ZCCHC8: variants seen among roughly 807,000 people sequenced by gnomAD.
ZCCHC8 encodes the protein zinc finger CCHC domain-containing protein 8.
Under a neutral mutation model 70.6 loss-of-function variants are expected in ZCCHC8, and 27 were observed. The ratio of observed to expected loss-of-function variants is 0.38; its 90% CI spans 0.28 to 0.53. ZCCHC8 has a LOEUF of 0.53. Among genes scored for constraint, ZCCHC8 ranks in the 20% least tolerant of loss-of-function variants. The pLI is 0.81. For synonymous variants in ZCCHC8, 293 were observed against 317.4 expected, an observed-to-expected ratio of 0.92 and a Z score of 0.82; for missense variants, 737 against 876.9, an observed-to-expected ratio of 0.84 and a Z score of 2.01.
intron 11 of ZCCHC8, among the ~76,000 whole-genome samples, chr12:122,479,494 T>A (rs753202238): frequency 6.6e-6 from 1 of 152,130 alleles, no homozygotes; most frequent in Non-Finnish European, 1.5e-5. Flanking sequence ...ATGAGAAATT[T>A]TACTTTGAGG....
chr12:122,493,985 T>C (rs952596434), intron 2 of ZCCHC8, among the ~76,000 whole-genome samples: 8 of 152,156 alleles, frequency 5.3e-5, no homozygotes, highest in African/African-American at 1.9e-4. Context: ...ACTTTATAAA[T>C]AGACTCTTGG....
intron 5 of ZCCHC8, among the ~76,000 whole-genome samples, chr12:122,485,219 A>G (rs1957609778): frequency 6.6e-6 from 1 of 152,032 alleles, no homozygotes; most frequent in South Asian, 2.1e-4. Flanking sequence ...GGTTCAAGCG[A>G]TTCTCCTGCC....
At chr12:122,485,253 TA>T (rs1293974688) in intron 5 of ZCCHC8, among the ~76,000 whole-genome samples, 3 of 152,138 alleles carry the variant, frequency 2.0e-5, no homozygotes, top group African/African-American at 7.2e-5. Context: ...TAGCTGGGAT[TA>T]CAGGCATGCA....
At chr12:122,480,043 C>T in intron 11 of ZCCHC8, 147 bp downstream of exon 11, 1 of 699,472 alleles carries the variant, frequency 1.4e-6, no homozygotes, top group Admixed American at 2.9e-5. Context: ...AACTCTGGGA[C>T]TCAAGTGATC....
At chr12:122,475,450 C>CA (rs985474780) in intron 13 of ZCCHC8, among the ~76,000 whole-genome samples, 4 of 152,148 alleles carry the variant, frequency 2.6e-5, no homozygotes, top group Non-Finnish European at 5.9e-5. Flanking sequence ...ACAACCTGTC[C>CA]AAAACAAATG....
chr12:122,480,313 T>G lies in ZCCHC8; in HGVS notation c.1019-2A>C. ...CTTCTGTTTCCCCATCAGTGCCATC[T>G]ATTACAGACCATAAAAAGTGTTAAT... On this transcript the variant is annotated splice_acceptor_variant, in intron 10 of 13. Transcript: ENST00000633063. LOFTEE classifies it high-confidence loss of function. 1 of 1,606,256 alleles carries G rather than the reference T, an allele frequency of 6.2e-7. No homozygotes were observed. Among genetic ancestry groups the G allele is most frequent in the South Asian group, 1.1e-5 (1 of 89,588 alleles).
chr12:122,498,719 A>C, intron 2 of ZCCHC8, 108 bp downstream of exon 2: 1 of 1,081,472 alleles, frequency 9.2e-7, no homozygotes, highest in Non-Finnish European at 1.4e-6. Context: ...AAACAAATAA[A>C]AATGATACAA....
intron 2 of ZCCHC8, among the ~76,000 whole-genome samples, chr12:122,494,932 T>A (rs1224458982): frequency 2.6e-5 from 4 of 152,182 alleles, no homozygotes; most frequent in African/African-American, 9.7e-5. Context: ...CAGCTATAAA[T>A]ATACTCAGTT....
rs185890072 is a variant in ZCCHC8 at position 122,499,118 on chromosome 12, C to A, written c.200-249G>T. On this transcript the variant is annotated intron_variant, in intron 1 of 13. Transcript: ENST00000633063. ...ACGATCCTGAAGTTCAACAGACTAA[C>A]AAACTGAACCAAAACCATTATTGAA... 517 of 514,790 alleles carry A rather than the reference C, an allele frequency of 1.0e-3. 2 individuals carry two copies. The highest frequency in any genetic ancestry group is 8.6e-3 in the African/African-American group (452 of 52,480). 31.9% of individuals were successfully genotyped at this position (514,790 alleles called of 1,614,324 possible). A position where few individuals can be genotyped will look rare whatever the true frequency, so the allele number is the denominator to read the frequency against.
chr12:122,491,127 G>C (rs1434518904), intron 3 of ZCCHC8: 2 of 152,528 alleles, frequency 1.3e-5, no homozygotes, highest in Non-Finnish European at 2.9e-5. Context: ...TCCAGGTCAA[G>C]AACCAAGCTC....
At chr12:122,488,527 A>C (rs549298831) in intron 5 of ZCCHC8, among the ~76,000 whole-genome samples, 3 of 152,036 alleles carry the variant, frequency 2.0e-5, no homozygotes, top group East Asian at 3.9e-4. Flanking sequence ...TAAACATGAA[A>C]ACCAGTTTTC....
intron 2 of ZCCHC8, among the ~76,000 whole-genome samples, chr12:122,493,842 T>C (rs1957785007): frequency 6.6e-6 from 1 of 152,028 alleles, no homozygotes; most frequent in African/African-American, 2.4e-5. Flanking sequence ...CTCGATCTCC[T>C]GACCTCGTGA....
At chr12:122,492,444 A>G (rs1249071969) in intron 3 of ZCCHC8, among the ~76,000 whole-genome samples, 1 of 152,094 alleles carries the variant, frequency 6.6e-6, no homozygotes, top group Non-Finnish European at 1.5e-5. Context: ...AGTTACTATG[A>G]CTATCCTGTT....
chr12:122,483,853 A>C lies in ZCCHC8; in HGVS notation c.502-290T>G. 1 of 271,742 alleles carries C rather than the reference A, an allele frequency of 3.7e-6. No individual in the cohort carries two copies. Among genetic ancestry groups the C allele is most frequent in the Non-Finnish European group, 6.9e-6 (1 of 145,346 alleles). The allele number at this position is 271,742 out of a possible 1,614,324, so 16.8% of individuals were successfully genotyped here. ...ACCTTGACTCTCATATTTCCCTCCA[A>C]TGCCCCATTTCATTGCTTCTCTTTG... is the stretch of plus-strand genomic sequence containing the variant. On this transcript the variant is annotated intron_variant, in intron 5 of 13. Coordinates refer to ENST00000633063, the MANE Select transcript of ZCCHC8 (RefSeq NM_017612.5). The surrounding 1 kb of genome is among the most constrained non-coding windows in gnomAD (Gnocchi z 4.4).
At chr12:122,485,891 G>A (rs931661100) in intron 5 of ZCCHC8, among the ~76,000 whole-genome samples, 3 of 152,144 alleles carry the variant, frequency 2.0e-5, no homozygotes, top group East Asian at 1.9e-4. Flanking sequence ...GAGTCACTCC[G>A]ATGACTCTTT....
At chr12:122,494,078 A>G (rs1447860140) in intron 2 of ZCCHC8, among the ~76,000 whole-genome samples, 1 of 152,186 alleles carries the variant, frequency 6.6e-6, no homozygotes, top group Non-Finnish European at 1.5e-5. Flanking sequence ...CCTGGATTTG[A>G]CTTTCAAATA....
At chr12:122,478,571 G>A in intron 11 of ZCCHC8, 1 of 305,382 alleles carries the variant, frequency 3.3e-6, no homozygotes, top group Non-Finnish European at 6.1e-6. Context: ...AGGAGTGACT[G>A]CTATGGGGCC....
intron 13 of ZCCHC8, among the ~76,000 whole-genome samples, chr12:122,476,193 G>C (rs1276550072): frequency 6.6e-6 from 1 of 152,220 alleles, no homozygotes; most frequent in African/African-American, 2.4e-5. Flanking sequence ...ACAGAGAGTG[G>C]TAACTAGGGC....
chr12:122,483,350 G>A lies in ZCCHC8; in HGVS notation c.606-6C>T. ...GGCTGAAGACTTGATGGTACCTTTAGTGAATTTTATTAAGGAATAGTTATC... is the reference window on the plus strand; with the variant it reads ...GGCTGAAGACTTGATGGTACCTTTAATGAATTTTATTAAGGAATAGTTATC... On this transcript the variant is annotated splice_polypyrimidine_tract_variant and splice_region_variant and intron_variant, in intron 6 of 13. Coordinates refer to ENST00000633063, the MANE Select transcript of ZCCHC8 (RefSeq NM_017612.5). The surrounding 1 kb of genome is among the most constrained non-coding windows in gnomAD (Gnocchi z 4.4). 1 of 1,591,416 alleles carries A rather than the reference G, an allele frequency of 6.3e-7. No homozygotes were observed. Among genetic ancestry groups the A allele is most frequent in the South Asian group, 1.1e-5 (1 of 87,346 alleles).
Sources: gnomAD v4.1 joint callset for allele counts (sites outside exome capture counted in the v4.1 genomes callset) on GRCh38, gnomAD v4.1.1 for gene constraint, Gnocchi (gnomAD v3.1) non-coding constraint, MANE v1.5 for transcripts, NCBI Gene and HGNC (gene_info 2026-07-23, HGNC 2026-07-21) for gene names.